The following ERGIC1 variants were observed in gnomAD, a reference collection of about 807,000 sequenced individuals.
ERGIC1 encodes endoplasmic reticulum-golgi intermediate compartment 1.
A neutral mutation model predicts 38.3 loss-of-function variants in ERGIC1; 19 were observed. The observed-to-expected ratio is 0.50, with a 90% CI of 0.35 to 0.73. The LOEUF (loss-of-function observed/expected upper bound fraction) is 0.73, where lower values mean the gene tolerates loss of function less well. ERGIC1 is among the 30% of genes least tolerant of loss of function. The pLI, the probability that ERGIC1 is intolerant of heterozygous loss-of-function variation, is 0.01. For synonymous variants in ERGIC1, 124 were observed against 157.6 expected (o/e 0.79, Z 1.60); for missense variants, 294 against 389.2 (o/e 0.76, Z 2.06).
chr5:172,856,580 C>T (rs1761555055), intron 1 of ERGIC1, among the ~76,000 whole-genome samples: 1 of 152,138 alleles, frequency 6.6e-6, no homozygotes, highest in South Asian at 2.1e-4. Flanking sequence ...TGTGCTGCCT[C>T]AGGCACTGGG....
intron 1 of ERGIC1, among the ~76,000 whole-genome samples, chr5:172,884,019 C>T (rs1273895394): frequency 6.6e-6 from 1 of 152,126 alleles, no homozygotes; most frequent in African/African-American, 2.4e-5. Flanking sequence ...CAAATTTCTC[C>T]ACTGCACAGT....
chr5:172,948,815 G>A (rs1367474830), intron 9 of ERGIC1, among the ~76,000 whole-genome samples: 1 of 152,194 alleles, frequency 6.6e-6, no homozygotes, highest in Non-Finnish European at 1.5e-5. Flanking sequence ...TTGGGGGGCT[G>A]AGACAGATGG....
chr5:172,895,705 C>T (rs1762706983), intron 2 of ERGIC1, among the ~76,000 whole-genome samples: 1 of 151,946 alleles, frequency 6.6e-6, no homozygotes. Context: ...TCAAAAGGGA[C>T]ATGTGAGTCG....
At chr5:172,844,994 T>A (rs544573486) in intron 1 of ERGIC1, among the ~76,000 whole-genome samples, 1 of 151,930 alleles carries the variant, frequency 6.6e-6, no homozygotes, top group African/African-American at 2.4e-5. Context: ...TCAAGTCAGG[T>A]AGGAGCCATT....
intron 5 of ERGIC1, among the ~76,000 whole-genome samples, chr5:172,919,075 A>G (rs556383474): frequency 3.3e-4 from 51 of 152,308 alleles, no homozygotes; most frequent in Non-Finnish European, 5.9e-4. Context: ...CTGGGCTGCA[A>G]TGGGAGAGAA....
chr5:172,939,771 C>T (rs964291289), intron 9 of ERGIC1, among the ~76,000 whole-genome samples: 5 of 152,200 alleles, frequency 3.3e-5, no homozygotes, highest in African/African-American at 1.2e-4. Flanking sequence ...AGGAGCCAGC[C>T]GGCCGGCTGT....
At chr5:172,919,894 C>T (rs1012563283) in intron 5 of ERGIC1, among the ~76,000 whole-genome samples, 13 of 152,142 alleles carry the variant, frequency 8.5e-5, no homozygotes, top group African/African-American at 3.1e-4. Context: ...CTTAGACCCG[C>T]GTTATGGCTG....
chr5:172,914,157 T>C (rs1382253280), intron 4 of ERGIC1, among the ~76,000 whole-genome samples: 1 of 144,036 alleles, frequency 6.9e-6, no homozygotes, highest in Non-Finnish European at 1.5e-5. Flanking sequence ...ATTGCTTGAA[T>C]GCAGGAGGCG....
At chr5:172,841,473 A>G (rs924001587) in intron 1 of ERGIC1, among the ~76,000 whole-genome samples, 2 of 152,252 alleles carry the variant, frequency 1.3e-5, no homozygotes, top group African/African-American at 4.8e-5. Context: ...CCTGCCAGGC[A>G]GCACAGCTAC....
intron 1 of ERGIC1, among the ~76,000 whole-genome samples, chr5:172,862,700 T>G (rs1761746689): frequency 6.6e-6 from 1 of 152,218 alleles, no homozygotes; most frequent in South Asian, 2.1e-4. Context: ...TTTCTCAAAT[T>G]TCAATCACTC....
intron 6 of ERGIC1, 57 bp downstream of exon 6, chr5:172,924,166 C>T (rs1167157510): frequency 6.7e-7 from 1 of 1,495,334 alleles, no homozygotes; most frequent in East Asian, 2.3e-5. Context: ...GGGGCTCTGT[C>T]ACCCAGTGCC....
At chr5:172,909,462 GCCCTCCC>G (rs1468836269) in intron 3 of ERGIC1, among the ~76,000 whole-genome samples, 198 bp from the exon 4 acceptor site, 1 of 151,972 alleles carries the variant, frequency 6.6e-6, no homozygotes, top group Non-Finnish European at 1.5e-5. Context: ...GCCCAGCCCA[GCCCTCCC>G]GTCCTGAGAG....
At chr5:172,901,013 C>T (rs986441438) in intron 3 of ERGIC1, among the ~76,000 whole-genome samples, 9 of 152,174 alleles carry the variant, frequency 5.9e-5, no homozygotes, top group African/African-American at 2.2e-4. Context: ...AGCTTGTGGC[C>T]CCCAGGAAGC....
intron 7 of ERGIC1, among the ~76,000 whole-genome samples, chr5:172,930,928 G>A (rs1459668756): frequency 2.6e-5 from 4 of 152,170 alleles, no homozygotes; most frequent in African/African-American, 9.7e-5. Context: ...GAGTCTTCAT[G>A]GACTGGGCTC....
At chr5:172,945,545 A>AT (rs1764102704) in intron 9 of ERGIC1, among the ~76,000 whole-genome samples, 1 of 152,140 alleles carries the variant, frequency 6.6e-6, no homozygotes, top group Non-Finnish European at 1.5e-5. Context: ...AGACAATCCC[A>AT]TTTCTTGGCC....
chr5:172,911,370 G>A (rs887398299), intron 4 of ERGIC1, among the ~76,000 whole-genome samples: 4 of 152,108 alleles, frequency 2.6e-5, no homozygotes, highest in Non-Finnish European at 5.9e-5. Context: ...TCTGGAACAA[G>A]GAAATTCTTA....
At chr5:172,904,297 G>C (rs1186563380) in intron 3 of ERGIC1, among the ~76,000 whole-genome samples, 2 of 152,190 alleles carry the variant, frequency 1.3e-5, no homozygotes, top group African/African-American at 4.8e-5. Flanking sequence ...CACCAAAGAA[G>C]GGTCCCTTGA....
chr5:172,938,641 A>G (rs1561744168), intron 9 of ERGIC1, among the ~76,000 whole-genome samples: 3 of 151,814 alleles, frequency 2.0e-5, no homozygotes. Context: ...AGTCCCAGCT[A>G]CTCGGGAGGC....
chr5:172,849,107 G>T (rs1761343415), intron 1 of ERGIC1, among the ~76,000 whole-genome samples: 1 of 152,200 alleles, frequency 6.6e-6, no homozygotes, highest in Non-Finnish European at 1.5e-5. Flanking sequence ...TGAGGAAATG[G>T]AGACCGAGAG....
Sources: allele counts gnomAD v4.1 joint callset (sites outside exome capture counted in the v4.1 genomes callset), GRCh38; gene constraint gnomAD v4.1.1; transcripts MANE v1.5; gene names NCBI Gene and HGNC (gene_info 2026-07-23, HGNC 2026-07-21).